EXOC7: variants seen among roughly 807,000 people sequenced by gnomAD.
The protein encoded by EXOC7 is exocyst complex component 7.
EXOC7 carries 51 observed loss-of-function variants against 87.6 expected under a neutral mutation model. The observed-to-expected ratio is 0.58, with a 90% CI of 0.46 to 0.73. EXOC7 has a LOEUF of 0.73. Among genes scored for constraint, EXOC7 ranks in the 30% least tolerant of loss-of-function variants. The pLI is 0.00. For synonymous variants in EXOC7, 327 were observed against 357.1 expected (o/e 0.92, Z 0.95); for missense variants, 744 against 888.4 (o/e 0.84, Z 2.07).
chr17:76,086,886 C>A, intron 12 of EXOC7: 1 of 1,551,286 alleles, frequency 6.4e-7, no homozygotes, highest in South Asian at 1.2e-5. Flanking sequence ...GTATGTGTCC[C>A]CAAGAACTAC....
At position 76,082,962 on chromosome 17, in the gene EXOC7, C is replaced by T; in HGVS notation, c.*686G>A. On this transcript the variant is annotated 3_prime_UTR_variant, in exon 19 of 19. Coordinates refer to ENST00000589210, the MANE Select transcript of EXOC7 (RefSeq NM_001013839.4). ...ATTGCTCCTTCTGCAACCACGACTG[C>T]CTGGCCCTGGGCCAAGAGGCACTGA... 4.1e-6 allele frequency: 1 copy of T among 244,384 alleles called. No individual in the cohort carries two copies. Among genetic ancestry groups the T allele is most frequent in the Non-Finnish European group, 7.8e-6 (1 of 127,538 alleles). 15.1% of individuals were successfully genotyped at this position (244,384 alleles called of 1,614,324 possible).
rs143090577 is a variant in EXOC7, at chr17:76,086,983, G to A, written c.1429+671C>T. The A allele has an allele frequency of 9.5e-3, 11,244 of 1,185,552 alleles. 62 individuals are homozygous for A. Among genetic ancestry groups the A allele is most frequent in the Non-Finnish European group, 0.012 (9,931 of 818,128 alleles). 73.4% of individuals were successfully genotyped at this position (1,185,552 alleles called of 1,614,324 possible). On this transcript the variant is annotated intron_variant, in intron 12 of 18. Coordinates refer to ENST00000589210, the MANE Select transcript of EXOC7 (RefSeq NM_001013839.4). ...AAAGTGCAAAAAACAGGTTAGAAAC[G>A]GCATGTCAACCCGAATTAAGCAGAC...
chr17:76,102,067 G>A (rs2068090491), intron 2 of EXOC7, among the ~76,000 whole-genome samples: 1 of 152,074 alleles, frequency 6.6e-6, no homozygotes, highest in African/African-American at 2.4e-5. Flanking sequence ...AAGACAAATT[G>A]GTTGAAATTT....
chr17:76,093,558 C>T (rs796423394), intron 6 of EXOC7: 8 of 152,856 alleles, frequency 5.2e-5, no homozygotes, highest in African/African-American at 1.9e-4. Flanking sequence ...GGGCATGTGC[C>T]CACAGCAGCA....
intron 18 of EXOC7, 22 bp from the exon 19 acceptor site, chr17:76,083,772 G>A (rs1467965161): frequency 1.2e-6 from 2 of 1,606,974 alleles, no homozygotes; most frequent in Non-Finnish European, 1.7e-6. Context: ...CTGTGGTCAG[G>A]GGACAGGGAG....
chr17:76,099,490 A>T (rs1273759248), intron 4 of EXOC7, among the ~76,000 whole-genome samples: 1 of 152,180 alleles, frequency 6.6e-6, no homozygotes, highest in Non-Finnish European at 1.5e-5. Flanking sequence ...CCGGGCAACA[A>T]GAGCATAACT....
At chr17:76,103,531 G>GC in intron 1 of EXOC7, 102 bp downstream of exon 1, 1 of 1,563,660 alleles carries the variant, frequency 6.4e-7, no homozygotes, top group Non-Finnish European at 8.7e-7. Context: ...CTCGCTGGGT[G>GC]CGCTCCCTCC....
At chr17:76,096,117 C>T (rs1318834063) in intron 5 of EXOC7, among the ~76,000 whole-genome samples, 3 of 152,142 alleles carry the variant, frequency 2.0e-5, no homozygotes, top group South Asian at 2.1e-4. Flanking sequence ...TCAGATACAT[C>T]GCGGCCGTGA....
intron 5 of EXOC7, among the ~76,000 whole-genome samples, chr17:76,096,194 A>G (rs1021329304): frequency 6.6e-6 from 1 of 152,194 alleles, no homozygotes; most frequent in African/African-American, 2.4e-5. Context: ...TGTACACACA[A>G]ACAAAGAGAA....
At chr17:76,088,680 G>A in intron 9 of EXOC7, 91 bp downstream of exon 9, 9 of 1,599,050 alleles carry the variant, frequency 5.6e-6, no homozygotes, top group Admixed American at 1.7e-5. Context: ...GTGGGACAGA[G>A]AATGGGGTTC....
intron 8 of EXOC7, 60 bp from the exon 9 acceptor site, chr17:76,088,983 A>G: frequency 1.9e-6 from 3 of 1,559,004 alleles, no homozygotes; most frequent in South Asian, 1.1e-5. Flanking sequence ...GTTCTGGGCT[A>G]GTGGGGGATC....
chr17:76,102,874 G>C (rs1471142839), intron 2 of EXOC7, among the ~76,000 whole-genome samples: 1 of 152,166 alleles, frequency 6.6e-6, no homozygotes, highest in African/African-American at 2.4e-5. Flanking sequence ...GCTGACACCA[G>C]TTACCTATCA....
intron 13 of EXOC7, 82 bp downstream of exon 13, chr17:76,085,998 A>G: frequency 6.4e-7 from 1 of 1,555,622 alleles, no homozygotes; most frequent in Admixed American, 1.8e-5. Context: ...CCCTGGGAAT[A>G]GCCAGAGAGC....
Position 76,083,645 on chromosome 17 carries a change from G to C in EXOC7, c.*3C>G. ...GTGGAACCAGGCAGGGCTAGCAGCA[G>C]GCTCAGGCAGAGGTGTCGAAAAGGC... On this transcript the variant is annotated 3_prime_UTR_variant, in exon 19 of 19. Coordinates refer to ENST00000589210, the MANE Select transcript of EXOC7 (RefSeq NM_001013839.4). The C allele has an allele frequency of 6.2e-7, 1 of 1,613,656 alleles. No homozygotes were observed. Among genetic ancestry groups the C allele is most frequent in the African/African-American group, 1.3e-5 (1 of 75,058 alleles).
chr17:76,091,202 T>C lies in EXOC7; in HGVS notation c.842A>G (p.Gln281Arg). The stretch of plus-strand genomic sequence containing the variant: ...CCCATCTAGACCATGCTGGGAATAC[T>C]GTTTCAGAAGGTTCTGAGCCTTACG... The part of the protein sequence containing the change: ...TIRKAQNLLK[Q>R]YSQHGLDGKK... Residue 281 changes from glutamine (Q) to arginine (R), a missense_variant, in exon 7 of 19, where the codon CAG becomes CGG. Transcript: ENST00000589210. 6.2e-7 allele frequency: 1 copy of C among 1,614,164 alleles called. No homozygotes were observed.
At position 76,087,640 on chromosome 17, in the gene EXOC7, G is replaced by C; in HGVS notation, c.1429+14C>G. ...GCGAGTGGGGCAGGGGGCCCAACTG[G>C]GAGGTACCAGTACCTTGGGAGGCCA... On this transcript the variant is annotated intron_variant, in intron 12 of 18. Coordinates refer to ENST00000589210, the MANE Select transcript of EXOC7 (RefSeq NM_001013839.4). 1 of 1,550,656 alleles carries C rather than the reference G, an allele frequency of 6.4e-7. No homozygotes were observed. Among genetic ancestry groups the C allele is most frequent in the South Asian group, 1.2e-5 (1 of 84,056 alleles).
In EXOC7 at chr17:76,089,013, C is replaced by T. The variant is rs141955929; in HGVS notation, c.1048-90G>A. 4.7e-6 allele frequency: 7 copies of T among 1,474,012 alleles called. No homozygotes were observed. The East Asian group carries it at 1.1e-4, about 24-fold the overall frequency. 91.3% of individuals were successfully genotyped at this position (1,474,012 alleles called of 1,614,324 possible). A position where few individuals can be genotyped will look rare whatever the true frequency, so the allele number is the denominator to read the frequency against. ...GGGATCCTTGCAGTATGTAGGGGGG[C>T]CAGTGTGCAGGAAGAGGGGTGACGG... On this transcript the variant is annotated intron_variant, in intron 8 of 18. Coordinates refer to ENST00000589210, the MANE Select transcript of EXOC7 (RefSeq NM_001013839.4).
chr17:76,081,262 C>T lies in EXOC7; in HGVS notation c.*2386G>A, dbSNP rs755988011. On this transcript the variant is annotated 3_prime_UTR_variant, in exon 19 of 19. Coordinates refer to ENST00000589210, the MANE Select transcript of EXOC7 (RefSeq NM_001013839.4). ...TCTCTCCTTCCTGGTTCATAGTTCT[C>T]ATTCCCACCCCTCAGCGATGGAGTT... The T allele has an allele frequency of 1.9e-6, 3 of 1,613,076 alleles. No individual in the cohort carries two copies. The highest frequency in any genetic ancestry group is 2.5e-6 in the Non-Finnish European group (3 of 1,179,826).
Position 76,101,798 on chromosome 17 carries a change from GT to G in EXOC7, c.191del (p.His64ProfsTer76). The stretch of plus-strand genomic sequence containing the variant: ...GCCGCTGCAGATTCTCCGTCTGCTT[GT>G]GCACAGGGATGATGGAGTTCTCCAG... ...MKLENSIIPV[H>X]KQTENLQRLQ... On this transcript the variant is annotated frameshift_variant, in exon 3 of 19. Coordinates refer to ENST00000589210, the MANE Select transcript of EXOC7 (RefSeq NM_001013839.4). LOFTEE classifies it high-confidence loss of function. The G allele has an allele frequency of 4.3e-6, 7 of 1,614,060 alleles. No homozygotes were observed. Among genetic ancestry groups the G allele is most frequent in the Non-Finnish European group, 5.9e-6 (7 of 1,180,026 alleles).
Sources: gnomAD v4.1 joint callset for allele counts (sites outside exome capture counted in the v4.1 genomes callset) on GRCh38, gnomAD v4.1.1 for gene constraint, MANE v1.5 for transcripts, NCBI Gene and HGNC (gene_info 2026-07-23, HGNC 2026-07-21) for gene names.